PHACTR3: variants seen among roughly 807,000 people sequenced by gnomAD.
The protein encoded by PHACTR3 is protein phosphatase 1, regulatory subunit 123.
In PHACTR3, 16 loss-of-function variants were observed where a neutral mutation model predicts 66.8. The ratio of observed to expected loss-of-function variants is 0.24; its 90% CI spans 0.16 to 0.36. The LOEUF is 0.36. Among genes scored for constraint, PHACTR3 ranks in the 10% least tolerant of loss-of-function variants. PHACTR3 has a pLI of 1.00. For synonymous variants in PHACTR3, 323 were observed against 292.1 expected (o/e 1.11, Z -1.08); for missense variants, 647 against 719.9 (o/e 0.90, Z 1.16).
chr20:59,589,700 A>G (rs1484839795), intron 1 of PHACTR3, among the ~76,000 whole-genome samples: 1 of 152,256 alleles, frequency 6.6e-6, no homozygotes, highest in Non-Finnish European at 1.5e-5. Context: ...CAGTAAACAT[A>G]GGAAACGTCC....
chr20:59,800,443 TG>T (rs1003923574), intron 7 of PHACTR3, among the ~76,000 whole-genome samples: 3 of 152,212 alleles, frequency 2.0e-5, no homozygotes, highest in Non-Finnish European at 4.4e-5. Flanking sequence ...CCGAGTTGTC[TG>T]GGGTTTTTTT....
At chr20:59,689,859 C>T (rs922643785) in intron 1 of PHACTR3, among the ~76,000 whole-genome samples, 7 of 152,164 alleles carry the variant, frequency 4.6e-5, no homozygotes, top group Non-Finnish European at 8.8e-5. Flanking sequence ...AATTCATCTG[C>T]TTCTCATTAC....
intron 1 of PHACTR3, among the ~76,000 whole-genome samples, chr20:59,735,750 G>A (rs1312758408): frequency 1.3e-5 from 2 of 152,136 alleles, no homozygotes; most frequent in Non-Finnish European, 2.9e-5. Flanking sequence ...CGAGAGTGAC[G>A]GTTCTCATTG....
intron 8 of PHACTR3, among the ~76,000 whole-genome samples, chr20:59,821,520 C>A (rs1019173233): frequency 3.3e-5 from 5 of 152,172 alleles, no homozygotes; most frequent in African/African-American, 1.2e-4. Flanking sequence ...CTTGGTTGGA[C>A]CCTCCTCATG....
At chr20:59,591,149 G>A (rs2146312234) in intron 1 of PHACTR3, among the ~76,000 whole-genome samples, 1 of 152,304 alleles carries the variant, frequency 6.6e-6, no homozygotes, top group Non-Finnish European at 1.5e-5. Context: ...CAGCGCCAGG[G>A]ATGAGGCAGC....
intron 7 of PHACTR3, among the ~76,000 whole-genome samples, chr20:59,782,572 C>T (rs2040759653): frequency 6.6e-6 from 1 of 152,144 alleles, no homozygotes; most frequent in Non-Finnish European, 1.5e-5. Context: ...GTTTAATGGA[C>T]TTACAGTTGC....
chr20:59,618,102 A>G (rs569627295), intron 1 of PHACTR3, among the ~76,000 whole-genome samples: 16 of 152,304 alleles, frequency 1.1e-4, no homozygotes, highest in African/African-American at 3.4e-4. Flanking sequence ...CTTCGAATTA[A>G]CTAGCCCAGC....
intron 1 of PHACTR3, among the ~76,000 whole-genome samples, chr20:59,690,330 A>G (rs780549275): frequency 6.6e-6 from 1 of 152,132 alleles, no homozygotes; most frequent in Non-Finnish European, 1.5e-5. Context: ...GCCCCTTCCA[A>G]TCTCACCAGG....
At chr20:59,632,935 G>T (rs952205677) in intron 1 of PHACTR3, among the ~76,000 whole-genome samples, 1 of 152,222 alleles carries the variant, frequency 6.6e-6, no homozygotes, top group East Asian at 1.9e-4. Flanking sequence ...TTTCCCGGGA[G>T]GGTGGTTGCC....
chr20:59,668,137 T>C (rs764504146), intron 1 of PHACTR3, among the ~76,000 whole-genome samples: 3 of 152,142 alleles, frequency 2.0e-5, no homozygotes, highest in Non-Finnish European at 2.9e-5. Context: ...CGTATGCCTG[T>C]ACGGGCTTAG....
chr20:59,825,028 C>T (rs1464517522), intron 8 of PHACTR3, among the ~76,000 whole-genome samples: 2 of 152,202 alleles, frequency 1.3e-5, no homozygotes, highest in African/African-American at 2.4e-5. Context: ...CCCCCTGCAG[C>T]GGGGCCCCTG....
chr20:59,762,747 G>A (rs924728570), intron 4 of PHACTR3, among the ~76,000 whole-genome samples: 16 of 152,080 alleles, frequency 1.1e-4, no homozygotes, highest in African/African-American at 3.9e-4. Context: ...TTGGAGAATG[G>A]GTTTCCACTG....
At chr20:59,794,237 G>T (rs2041190023) in intron 7 of PHACTR3, among the ~76,000 whole-genome samples, 1 of 151,856 alleles carries the variant, frequency 6.6e-6, no homozygotes, top group Non-Finnish European at 1.5e-5. Context: ...GTCATATATG[G>T]CCTTTATTAT....
At chr20:59,648,218 G>A (rs1453186494) in intron 1 of PHACTR3, among the ~76,000 whole-genome samples, 1 of 152,200 alleles carries the variant, frequency 6.6e-6, no homozygotes, top group Non-Finnish European at 1.5e-5. Context: ...CCCTCTCACT[G>A]CCTGGTTCTC....
chr20:59,577,677 C>G lies in PHACTR3; in HGVS notation c.109+60C>G, dbSNP rs552120321. On this transcript the variant is annotated intron_variant, in intron 1 of 12. Coordinates refer to the PHACTR3 transcript ENST00000359926. ...TGGGGCCCGGGGTGCCCGCCGGGCACGAGGCGCTGGGGGACGACTCCTCCT... is the reference window on the plus strand; with the variant it reads ...TGGGGCCCGGGGTGCCCGCCGGGCAGGAGGCGCTGGGGGACGACTCCTCCT... 7 of 1,111,600 alleles carry G rather than the reference C, an allele frequency of 6.3e-6. No homozygotes were observed. The South Asian group carries it at 3.1e-4, about 49-fold the overall frequency. The allele number at this position is 1,111,600 out of a possible 1,614,324, so 68.9% of individuals were successfully genotyped here.
At chr20:59,811,689 A>G (rs2041739991) in intron 8 of PHACTR3, among the ~76,000 whole-genome samples, 1 of 144,406 alleles carries the variant, frequency 6.9e-6, no homozygotes, top group East Asian at 2.3e-4. Flanking sequence ...GACTGTCAAC[A>G]CAGCATGGAG....
chr20:59,811,098 A>T (rs974765829), intron 8 of PHACTR3, among the ~76,000 whole-genome samples: 6 of 152,216 alleles, frequency 3.9e-5, no homozygotes, highest in Non-Finnish European at 7.3e-5. Context: ...TTTACAGATG[A>T]GAAAATTAAG....
chr20:59,635,726 T>C (rs2034877840), intron 1 of PHACTR3, among the ~76,000 whole-genome samples: 1 of 152,214 alleles, frequency 6.6e-6, no homozygotes, highest in African/African-American at 2.4e-5. Flanking sequence ...AATATTTGTA[T>C]GGCGCGTAAG....
chr20:59,731,426 AC>A (rs931128142), intron 1 of PHACTR3, among the ~76,000 whole-genome samples: 49 of 152,320 alleles, frequency 3.2e-4, no homozygotes, highest in African/African-American at 1.1e-3. Flanking sequence ...GATGACAACA[AC>A]AAAGCCAATT....
Sources: gnomAD v4.1 joint callset for allele counts (sites outside exome capture counted in the v4.1 genomes callset) on GRCh38, gnomAD v4.1.1 for gene constraint, MANE v1.5 for transcripts, NCBI Gene and HGNC (gene_info 2026-07-23, HGNC 2026-07-21) for gene names.